COL10A1: variants seen among roughly 807,000 people sequenced by gnomAD.
COL10A1 encodes the protein collagen type X alpha 1 chain.
COL10A1 carries 10 observed loss-of-function variants against 18.2 expected under a neutral mutation model. That is an observed-to-expected ratio of 0.55 (90% CI 0.34 to 0.93). The LOEUF (loss-of-function observed/expected upper bound fraction) is 0.93. Among genes scored for constraint, COL10A1 ranks in the 40% least tolerant of loss-of-function variants. COL10A1 has a pLI of 0.02. For synonymous variants in COL10A1, 330 were observed against 316.6 expected, an observed-to-expected ratio of 1.04 and a Z score of -0.45; for missense variants, 897 against 853.5, an observed-to-expected ratio of 1.05 and a Z score of -0.64.
chr6:116,122,098 A>G, intron 2 of COL10A1, 137 bp from the exon 3 acceptor site: 3 of 865,274 alleles, frequency 3.5e-6, no homozygotes, highest in South Asian at 1.4e-5. Flanking sequence ...ACAGTCTGAA[A>G]TGGTTTTAGA....
the COL10A1 span, among the ~76,000 whole-genome samples, chr6:116,189,594 C>T: frequency 1.7e-4 from 26 of 151,834 alleles, no homozygotes; most frequent in Admixed American, 1.7e-3. Context: ...CTCTATAGTT[C>T]TTGTGTATTA....
chr6:116,121,442 T>C lies in COL10A1; in HGVS notation c.674A>G (p.Asn225Ser), dbSNP rs1779121768. 1.2e-6 allele frequency: 2 copies of C among 1,613,940 alleles called. No individual in the cohort carries two copies. Among genetic ancestry groups the C allele is most frequent in the Non-Finnish European group, 1.7e-6 (2 of 1,179,952 alleles). The change falls in exon 3 of 3, where the codon AAT becomes AGT. Residue 225 changes from asparagine (N) to serine (S), a missense_variant. Transcript: ENST00000651968. The stretch of plus-strand genomic sequence containing the variant: ...GATGCCTGGCTGTCCTGGAACCCCA[T>C]TTTCACCTCTTTTTCCCACTCCAGG... ...GPPGVGKRGENGVPGQPGIKG... is the reference protein window; with the variant it reads ...GPPGVGKRGESGVPGQPGIKG...
the COL10A1 span, among the ~76,000 whole-genome samples, chr6:116,203,521 G>A: frequency 6.6e-6 from 1 of 151,820 alleles, no homozygotes. Context: ...CTCCTATAAT[G>A]TCTCCCTGTT....
chr6:116,212,057 T>A, the COL10A1 span, among the ~76,000 whole-genome samples: 14 of 152,254 alleles, frequency 9.2e-5, no homozygotes, highest in Middle Eastern at 3.4e-3. Context: ...TATATATTTA[T>A]GTTTGTTATA....
the COL10A1 span, among the ~76,000 whole-genome samples, chr6:116,208,237 TGCCCG>T: frequency 1.3e-5 from 2 of 152,072 alleles, no homozygotes; most frequent in Non-Finnish European, 2.9e-5. Flanking sequence ...GAGTCTGCTT[TGCCCG>T]GAGGCATCCC....
the COL10A1 span, among the ~76,000 whole-genome samples, chr6:116,173,074 C>T: frequency 6.6e-6 from 1 of 152,090 alleles, no homozygotes. Context: ...TTATGTTCTT[C>T]TATAACTTTT....
chr6:116,174,531 A>G, the COL10A1 span, among the ~76,000 whole-genome samples: 4 of 152,236 alleles, frequency 2.6e-5, no homozygotes, highest in Non-Finnish European at 5.9e-5. Context: ...GCCAATGTTA[A>G]GTGAATAAAA....
chr6:116,169,346 CA>C, the COL10A1 span, among the ~76,000 whole-genome samples: 1 of 152,166 alleles, frequency 6.6e-6, no homozygotes, highest in Non-Finnish European at 1.5e-5. Flanking sequence ...CCAATTTCCA[CA>C]ACATTTAAAA....
chr6:116,216,307 A>C, the COL10A1 span, among the ~76,000 whole-genome samples: 1 of 152,024 alleles, frequency 6.6e-6, no homozygotes, highest in Non-Finnish European at 1.5e-5. Flanking sequence ...TAATAGTAAG[A>C]ATTCTGGTTT....
At chr6:116,135,872 TACAC>T (rs71554839) in intron 1 of COL10A1, among the ~76,000 whole-genome samples, 1 of 121,306 alleles carries the variant, frequency 8.2e-6, no homozygotes, top group Non-Finnish European at 1.7e-5. Context: ...TATATATATA[TACAC>T]ACATACACAC....
intron 1 of COL10A1, among the ~76,000 whole-genome samples, chr6:116,157,838 TC>T (rs1255990082): frequency 6.6e-6 from 1 of 152,200 alleles, no homozygotes; most frequent in Non-Finnish European, 1.5e-5. Flanking sequence ...CTATTCAGGA[TC>T]CTTCTGAAAG....
chr6:116,153,211 A>G (rs994267748), intron 1 of COL10A1, among the ~76,000 whole-genome samples: 2 of 152,088 alleles, frequency 1.3e-5, no homozygotes, highest in Admixed American at 6.5e-5. Context: ...ATTTTTTTAA[A>G]TCATAAAACT....
At chr6:116,172,167 A>G in the COL10A1 span, among the ~76,000 whole-genome samples, 7 of 152,126 alleles carry the variant, frequency 4.6e-5, no homozygotes, top group Non-Finnish European at 8.8e-5. Context: ...AAGTGATACA[A>G]TCTCATGATT....
chr6:116,146,562 T>G (rs369155115), intron 1 of COL10A1, among the ~76,000 whole-genome samples: 1 of 152,298 alleles, frequency 6.6e-6, no homozygotes, highest in East Asian at 1.9e-4. Flanking sequence ...GAAGAGAAGG[T>G]TAAATAAATT....
At chr6:116,128,905 T>C (rs962316123), upstream of COL10A1, among the ~76,000 whole-genome samples, 1 of 152,192 alleles carries the variant, frequency 6.6e-6, no homozygotes, top group African/African-American at 2.4e-5. Context: ...TTATTTGTGT[T>C]CATATGCTTT....
intron 1 of COL10A1, among the ~76,000 whole-genome samples, chr6:116,155,414 G>T (rs1198510547): frequency 6.6e-6 from 1 of 152,188 alleles, no homozygotes; most frequent in Admixed American, 6.5e-5. Context: ...TTGGAATTCA[G>T]TGGCCACTTT....
At chr6:116,153,686 G>A (rs987205990) in intron 1 of COL10A1, among the ~76,000 whole-genome samples, 2 of 152,034 alleles carry the variant, frequency 1.3e-5, no homozygotes, top group African/African-American at 4.8e-5. Context: ...TCAAATATTG[G>A]CAGTTTCACT....
chr6:116,139,906 G>C (rs1028477600), intron 1 of COL10A1, among the ~76,000 whole-genome samples: 1 of 152,174 alleles, frequency 6.6e-6, no homozygotes, highest in African/African-American at 2.4e-5. Flanking sequence ...TCTCATGATA[G>C]TTAGGTCTGA....
chr6:116,163,075 C>G (rs537446292), upstream of COL10A1, among the ~76,000 whole-genome samples: 428 of 142,564 alleles, frequency 3.0e-3, 2 homozygotes, highest in African/African-American at 0.01. Context: ...TGCAGTGAGC[C>G]GAGATCGTGC....
Sources: allele counts gnomAD v4.1 joint callset (sites outside exome capture counted in the v4.1 genomes callset), GRCh38; gene constraint gnomAD v4.1.1; transcripts MANE v1.5; gene names NCBI Gene and HGNC (gene_info 2026-07-23, HGNC 2026-07-21).